The following SORCS1 variants were observed in gnomAD, a reference collection of about 807,000 sequenced individuals.
SORCS1 encodes VPS10 domain-containing receptor SorCS1.
A neutral mutation model predicts 146.1 loss-of-function variants in SORCS1; 60 were observed. The ratio of observed to expected loss-of-function variants is 0.41; its 90% confidence interval spans 0.33 to 0.51. The LOEUF is 0.51. Among genes scored for constraint, SORCS1 ranks in the 20% least tolerant of loss-of-function variants. The probability of loss-of-function intolerance (pLI) is 0.21; values close to 1 mark genes in which losing one functional copy is unlikely to be tolerated. For synonymous variants in SORCS1, 637 were observed against 584.0 expected, an observed-to-expected ratio of 1.09 and a Z score of -1.31; for missense variants, 1,352 against 1,487.6, an observed-to-expected ratio of 0.91 and a Z score of 1.50.
chr10:106,898,291 A>T (rs74152267), intron 2 of SORCS1, among the ~76,000 whole-genome samples: 8,434 of 152,258 alleles, frequency 0.055, 629 homozygotes, highest in African/African-American at 0.16. Context: ...TCCTAAAAAC[A>T]TCTATTAAAA....
At chr10:106,868,329 A>G (rs1589593894) in intron 2 of SORCS1, among the ~76,000 whole-genome samples, 1 of 152,294 alleles carries the variant, frequency 6.6e-6, no homozygotes. Flanking sequence ...CCTGAACTCA[A>G]TATTGTACCA....
At chr10:107,034,693 A>C (rs1398106363) in intron 1 of SORCS1, among the ~76,000 whole-genome samples, 1 of 145,490 alleles carries the variant, frequency 6.9e-6, no homozygotes. Context: ...AAAAAAAAAA[A>C]AAAAAAAAAA....
chr10:106,781,025 A>G (rs1165924488), intron 3 of SORCS1, among the ~76,000 whole-genome samples: 2 of 152,046 alleles, frequency 1.3e-5, no homozygotes, highest in East Asian at 3.9e-4. Context: ...AGTGTCATCA[A>G]AAATTAAATG....
At chr10:106,626,440 G>A (rs771849662) in intron 19 of SORCS1, among the ~76,000 whole-genome samples, 2 of 152,060 alleles carry the variant, frequency 1.3e-5, no homozygotes, top group African/African-American at 4.8e-5. Context: ...CAGAATGCCC[G>A]ACTCAGTCCA....
chr10:106,606,314 C>CAT (rs1387875365), intron 23 of SORCS1, among the ~76,000 whole-genome samples: 1 of 109,316 alleles, frequency 9.1e-6, no homozygotes, highest in African/African-American at 2.8e-5. Context: ...CACACACACA[C>CAT]ACACACACTC....
intron 2 of SORCS1, among the ~76,000 whole-genome samples, chr10:106,857,670 C>T (rs61867336): frequency 2.0e-5 from 3 of 152,222 alleles, no homozygotes; most frequent in South Asian, 2.1e-4. Flanking sequence ...AAAATGTTTG[C>T]GAGTGAGTCG....
chr10:106,943,843 C>T (rs992874296), intron 2 of SORCS1, among the ~76,000 whole-genome samples: 1 of 152,016 alleles, frequency 6.6e-6, no homozygotes, highest in Admixed American at 6.6e-5. Flanking sequence ...TGTCTCTTCA[C>T]CTCATCCCCA....
At chr10:106,892,652 A>T (rs757961599) in intron 2 of SORCS1, among the ~76,000 whole-genome samples, 4 of 152,204 alleles carry the variant, frequency 2.6e-5, no homozygotes, top group Non-Finnish European at 5.9e-5. Flanking sequence ...GGCAAGATGT[A>T]AATATAAATG....
chr10:106,611,464 T>C (rs1018631432), intron 22 of SORCS1, among the ~76,000 whole-genome samples: 3 of 152,250 alleles, frequency 2.0e-5, no homozygotes, highest in Admixed American at 6.5e-5. Flanking sequence ...TGCACTGTTA[T>C]GCTCACAGTT....
chr10:106,712,685 A>T (rs896912799), intron 6 of SORCS1, among the ~76,000 whole-genome samples: 3 of 152,238 alleles, frequency 2.0e-5, no homozygotes, highest in South Asian at 4.1e-4. Context: ...ATTAAGAATG[A>T]TAATATTTCT....
intron 2 of SORCS1, among the ~76,000 whole-genome samples, chr10:106,866,818 T>A (rs1731787304): frequency 6.6e-6 from 1 of 152,212 alleles, no homozygotes; most frequent in African/African-American, 2.4e-5. Flanking sequence ...ACCTCGACCC[T>A]GTGAGAACAT....
chr10:106,862,464 A>AT (rs138826690), intron 2 of SORCS1, among the ~76,000 whole-genome samples: 4,913 of 152,208 alleles, frequency 0.032, 239 homozygotes, highest in African/African-American at 0.11. Context: ...CTTCAATGAC[A>AT]TTTAGAAATA....
chr10:106,999,989 CTAGGGG>C (rs1957151107), intron 1 of SORCS1, among the ~76,000 whole-genome samples: 1 of 141,232 alleles, frequency 7.1e-6, no homozygotes, highest in African/African-American at 3.2e-5. Flanking sequence ...TTTGGGGTTT[CTAGGGG>C]CAAGCCAGAA....
At chr10:107,131,275 T>A (rs144774341) in intron 1 of SORCS1, among the ~76,000 whole-genome samples, 106 of 152,332 alleles carry the variant, frequency 7.0e-4, no homozygotes, top group African/African-American at 2.5e-3. Flanking sequence ...ACATCACATT[T>A]CTGCCTTATC....
chr10:106,805,170 A>C (rs1947099317), intron 3 of SORCS1, among the ~76,000 whole-genome samples: 1 of 152,216 alleles, frequency 6.6e-6, no homozygotes, highest in Admixed American at 6.5e-5. Context: ...TTGCTAATGG[A>C]CATCATAGCT....
At chr10:107,067,628 T>C (rs1226171952) in intron 1 of SORCS1, among the ~76,000 whole-genome samples, 1 of 152,232 alleles carries the variant, frequency 6.6e-6, no homozygotes, top group African/African-American at 2.4e-5. Flanking sequence ...CATGATTTTA[T>C]ATAAAATGAT....
chr10:106,691,060 T>C (rs1458253339), intron 9 of SORCS1, among the ~76,000 whole-genome samples: 1 of 152,222 alleles, frequency 6.6e-6, no homozygotes, highest in Non-Finnish European at 1.5e-5. Context: ...TACCTGTCTA[T>C]GCATGTAGTA....
chr10:106,853,148 A>G (rs1949656162), intron 2 of SORCS1, among the ~76,000 whole-genome samples: 7 of 152,316 alleles, frequency 4.6e-5, no homozygotes, highest in Admixed American at 4.6e-4. Flanking sequence ...AATTTCTTTA[A>G]TAGTTACAAG....
intron 8 of SORCS1, 27 bp downstream of exon 8, chr10:106,706,517 GA>G (rs1258408037): frequency 1.2e-6 from 2 of 1,606,124 alleles, no homozygotes; most frequent in Non-Finnish European, 1.7e-6. Context: ...AGTCAAGAGT[GA>G]AATGAAGAAA....
Sources: gnomAD v4.1 joint callset for allele counts (sites outside exome capture counted in the v4.1 genomes callset) on GRCh38, gnomAD v4.1.1 for gene constraint, MANE v1.5 for transcripts, NCBI Gene and HGNC (gene_info 2026-07-23, HGNC 2026-07-21) for gene names.